Variants in PTPRD observed in about 807,000 individuals in gnomAD.
PTPRD encodes the protein protein tyrosine phosphatase receptor type D.
Under a neutral mutation model 214.5 loss-of-function variants are expected in PTPRD, and 34 were observed. That is an observed-to-expected ratio of 0.16 (90% CI 0.12 to 0.21). The LOEUF is 0.21. PTPRD is among the 10% of genes least tolerant of loss of function. The pLI is 1.00. For missense variants in PTPRD, 2,545 were observed against 2,398.7 expected (o/e 1.06, Z -1.27); for synonymous variants, 1,128 against 845.7 (o/e 1.33, Z -5.79).
At chr9:8,592,920 A>C (rs1372445175) in intron 14 of PTPRD, among the ~76,000 whole-genome samples, 1 of 152,252 alleles carries the variant, frequency 6.6e-6, no homozygotes, top group Non-Finnish European at 1.5e-5. Flanking sequence ...TGACAGAAAG[A>C]ATCAAGAAGG....
At chr9:8,697,743 G>T (rs926511316) in intron 12 of PTPRD, among the ~76,000 whole-genome samples, 1 of 152,006 alleles carries the variant, frequency 6.6e-6, no homozygotes, top group African/African-American at 2.4e-5. Flanking sequence ...TTAAAGACAG[G>T]TGTGTATGTG....
chr9:9,465,115 G>A (rs988016516), intron 8 of PTPRD, among the ~76,000 whole-genome samples: 9 of 152,076 alleles, frequency 5.9e-5, no homozygotes, highest in Admixed American at 6.6e-5. Flanking sequence ...ATTCCCTTTT[G>A]TGGTTTTCCT....
chr9:9,736,736 T>C (rs2098302789), intron 6 of PTPRD, among the ~76,000 whole-genome samples: 1 of 152,212 alleles, frequency 6.6e-6, no homozygotes, highest in South Asian at 2.1e-4. Context: ...CACATGTGTA[T>C]TCATCTGAGA....
intron 30 of PTPRD, among the ~76,000 whole-genome samples, chr9:8,471,455 T>C (rs928292023): frequency 2.6e-5 from 4 of 152,132 alleles, no homozygotes; most frequent in Non-Finnish European, 5.9e-5. Flanking sequence ...CATGAATTTA[T>C]AAGAAGATGT....
chr9:9,969,845 T>G (rs2094965571), intron 4 of PTPRD, among the ~76,000 whole-genome samples: 1 of 152,230 alleles, frequency 6.6e-6, no homozygotes, highest in Admixed American at 6.5e-5. Context: ...CCAGTTTTAC[T>G]GCTTGCAGAA....
chr9:8,641,523 C>A (rs2096575776), intron 12 of PTPRD, among the ~76,000 whole-genome samples: 1 of 148,346 alleles, frequency 6.7e-6, no homozygotes, highest in Admixed American at 6.6e-5. Context: ...ATGCCAGGTA[C>A]TGCACAGGTC....
At chr9:10,549,233 A>G (rs773459159) in intron 2 of PTPRD, among the ~76,000 whole-genome samples, 1 of 152,170 alleles carries the variant, frequency 6.6e-6, no homozygotes, top group Non-Finnish European at 1.5e-5. Flanking sequence ...TACTGCTTTT[A>G]AAAGTAGTTG....
In PTPRD at chr9:10,031,765, A is replaced by G. The variant is rs1273121742; in HGVS notation, c.-472+1953T>C. Among the ~76,000 whole-genome samples, 3 of 150,942 alleles carry G rather than the reference A, an allele frequency of 2.0e-5. No individual in the cohort carries two copies. In the East Asian group the frequency reaches 5.9e-4, roughly 30 times the overall value. On this transcript the variant is annotated intron_variant, in intron 4 of 45. Transcript: ENST00000381196. Reference sequence around the variant, plus strand: ...CCAGCAGAGCCTATTTTTTTTATGGAGTTTACTAGATTCGTAGATCAAAGG... The same window carrying G: ...CCAGCAGAGCCTATTTTTTTTATGGGGTTTACTAGATTCGTAGATCAAAGG...
chr9:9,631,010 G>A (rs2095572527), intron 7 of PTPRD, among the ~76,000 whole-genome samples: 3 of 151,934 alleles, frequency 2.0e-5, no homozygotes, highest in Admixed American at 2.0e-4. Context: ...AATGAAAGGG[G>A]CAGTCAACTA....
chr9:8,465,742 T>C, intron 31 of PTPRD, 67 bp from the exon 32 acceptor site: 1 of 1,366,186 alleles, frequency 7.3e-7, no homozygotes, highest in Non-Finnish European at 1.0e-6. Context: ...GATAATTTAA[T>C]GAGATAAATT....
chr9:10,107,249 G>A lies in PTPRD; in HGVS notation c.-544-73459C>T, dbSNP rs150002647. Among the ~76,000 whole-genome samples, 215 of 152,116 alleles carry A rather than the reference G, an allele frequency of 1.4e-3. 1 individual carries two copies. Among genetic ancestry groups the A allele is most frequent in the Middle Eastern group, 0.01 (3 of 294 alleles). ...ACACACACTCTCTTAGTTGTGGCCA[G>A]CAACATTGTAGAAATGGATGGAATC... is the stretch of plus-strand genomic sequence containing the variant. On this transcript the variant is annotated intron_variant, in intron 3 of 45. Transcript: ENST00000381196.
At chr9:9,792,479 A>G (rs901674143) in intron 5 of PTPRD, among the ~76,000 whole-genome samples, 18 of 152,168 alleles carry the variant, frequency 1.2e-4, no homozygotes, top group African/African-American at 4.3e-4. Context: ...CAATTTTTGT[A>G]TGTGTGAAAA....
chr9:8,749,931 A>G (rs1017128241), intron 11 of PTPRD, among the ~76,000 whole-genome samples: 2 of 151,846 alleles, frequency 1.3e-5, no homozygotes, highest in African/African-American at 2.4e-5. Flanking sequence ...GTGAAACCCC[A>G]TCTCTCCTAA....
intron 4 of PTPRD, among the ~76,000 whole-genome samples, chr9:9,992,761 G>A (rs1198858729): frequency 6.6e-6 from 1 of 151,858 alleles, no homozygotes; most frequent in African/African-American, 2.4e-5. Context: ...GAGAACACAT[G>A]GACACAGGGT....
At chr9:9,918,353 A>T (rs919807104) in intron 5 of PTPRD, among the ~76,000 whole-genome samples, 2 of 71,360 alleles carry the variant, frequency 2.8e-5, no homozygotes, top group African/African-American at 1.0e-4. Context: ...CAAAGAGGTA[A>T]AAAAAAAAAA....
chr9:8,840,184 T>G (rs1284352034), intron 11 of PTPRD, among the ~76,000 whole-genome samples: 1 of 152,198 alleles, frequency 6.6e-6, no homozygotes, highest in Non-Finnish European at 1.5e-5. Context: ...TGGTTTAAAT[T>G]TGATATGGTT....
intron 2 of PTPRD, among the ~76,000 whole-genome samples, chr9:10,380,890 C>A (rs983459266): frequency 1.3e-5 from 2 of 151,874 alleles, no homozygotes; most frequent in Non-Finnish European, 2.9e-5. Context: ...GTTTTATCAT[C>A]TTTACCAGTT....
intron 11 of PTPRD, among the ~76,000 whole-genome samples, chr9:8,777,481 A>C (rs1284749546): frequency 6.6e-6 from 1 of 152,212 alleles, no homozygotes; most frequent in East Asian, 1.9e-4. Context: ...ATATAAAGAC[A>C]ATTTTGTGGA....
intron 5 of PTPRD, among the ~76,000 whole-genome samples, chr9:9,850,500 A>G (rs1166807591): frequency 4.6e-5 from 7 of 152,314 alleles, no homozygotes; most frequent in East Asian, 3.9e-4. Context: ...ATTCATAACT[A>G]AAACAAAAAT....
Sources: gnomAD v4.1 joint callset for allele counts (sites outside exome capture counted in the v4.1 genomes callset) on GRCh38, gnomAD v4.1.1 for gene constraint, MANE v1.5 for transcripts, NCBI Gene and HGNC (gene_info 2026-07-23, HGNC 2026-07-21) for gene names.